The following ANKRD55 variants were observed in gnomAD, a reference collection of about 807,000 sequenced individuals.
ANKRD55 encodes ankyrin repeat domain 55, also known as ankyrin repeat domain-containing protein 55.
In ANKRD55, 41 loss-of-function variants were observed where a neutral mutation model predicts 60.6. That is an observed-to-expected ratio of 0.68 (90% CI 0.53 to 0.88). ANKRD55 has a LOEUF of 0.88. Ranked by LOEUF, ANKRD55 falls within the 40% of genes least tolerant of loss-of-function variation. The pLI is 0.00. For synonymous variants in ANKRD55, 264 were observed against 290.3 expected (o/e 0.91, Z 0.92); for missense variants, 732 against 767.6 (o/e 0.95, Z 0.55).
chr5:56,150,765 G>A (rs557362180), intron 6 of ANKRD55, among the ~76,000 whole-genome samples: 4 of 152,224 alleles, frequency 2.6e-5, no homozygotes, highest in East Asian at 1.9e-4. Context: ...CACGTGTGGC[G>A]GTGGGTGCCT....
At position 56,143,844 on chromosome 5, in the gene ANKRD55, A is replaced by C. The variant is rs1164225945; in HGVS notation, c.569T>G (p.Leu190Arg). ...AGCGGTTTTAAAGTCTTTATCCACA[A>C]GGGTGGGGTCTGCCCCCTTCTTCAG... ...MLLKKGADPT[L>R]VDKDFKTALH... The change falls in exon 7 of 12, where the codon CTT (leucine) becomes CGT (arginine). Residue 190 changes from leucine (L) to arginine (R), a missense_variant. Leu to Arg is a moderately radical substitution (Grantham distance 102). Coordinates refer to ENST00000341048, the MANE Select transcript of ANKRD55 (RefSeq NM_024669.3). 1 of 1,614,136 alleles carries C rather than the reference A, an allele frequency of 6.2e-7. No individual in the cohort carries two copies. The highest frequency in any genetic ancestry group is 1.7e-5 in the Admixed American group (1 of 60,016).
intron 2 of ANKRD55, among the ~76,000 whole-genome samples, chr5:56,189,724 G>T (rs1759049648): frequency 1.3e-5 from 2 of 152,264 alleles, no homozygotes; most frequent in South Asian, 2.1e-4. Flanking sequence ...TTCATTACCT[G>T]TCAGTGGACA....
intron 5 of ANKRD55, chr5:56,160,641 A>G (rs1384622349): frequency 6.6e-6 from 1 of 152,220 alleles, no homozygotes; most frequent in Admixed American, 6.5e-5. Context: ...TGCATATGTC[A>G]TGCCTTTTTA....
At chr5:56,200,237 G>A (rs988706058) in intron 2 of ANKRD55, among the ~76,000 whole-genome samples, 2 of 152,048 alleles carry the variant, frequency 1.3e-5, no homozygotes, top group African/African-American at 4.8e-5. Context: ...GCAAGTCCTT[G>A]CTGTTTGATA....
chr5:56,229,270 C>T (rs371055863), intron 2 of ANKRD55, among the ~76,000 whole-genome samples: 3 of 152,098 alleles, frequency 2.0e-5, no homozygotes, highest in Admixed American at 6.5e-5. Flanking sequence ...TACTACAGGT[C>T]GCTTCCTGCG....
chr5:56,180,587 G>A (rs909388055), intron 3 of ANKRD55, among the ~76,000 whole-genome samples: 1 of 152,164 alleles, frequency 6.6e-6, no homozygotes. Context: ...CACAAACATG[G>A]TATGCCTTTC....
chr5:56,102,560 T>C lies in ANKRD55; in HGVS notation c.1657A>G (p.Asn553Asp), dbSNP rs1339209244. Residue 553 changes from asparagine (N) to aspartate (D), a missense_variant, in exon 11 of 12, where the codon AAC becomes GAC. Physicochemically the swap from Asn to Asp is conservative, Grantham distance 23 (BLOSUM62 1). Around this residue, in one of 3 missense-constraint regions of ANKRD55, gnomAD observed 597 missense variants for 607.5 expected, o/e 0.98. Transcript: ENST00000341048. Reference protein sequence around the residue: ...SGQNFQHLSPNRHKIRDLPFT... With the variant: ...SGQNFQHLSPDRHKIRDLPFT... Reference sequence around the variant, plus strand: ...GGAAGATCCCTGATTTTGTGTCTGTTTGGGGAAAGATGCTGAAAATTTTGT... The same window carrying C: ...GGAAGATCCCTGATTTTGTGTCTGTCTGGGGAAAGATGCTGAAAATTTTGT... The C allele has an allele frequency of 2.5e-6, 4 of 1,613,604 alleles. No individual in the cohort carries two copies. The highest frequency in any genetic ancestry group is 3.4e-6 in the Non-Finnish European group (4 of 1,179,670).
At chr5:56,177,890 A>G (rs1434816102) in intron 3 of ANKRD55, among the ~76,000 whole-genome samples, 2 of 152,184 alleles carry the variant, frequency 1.3e-5, no homozygotes, top group Non-Finnish European at 2.9e-5. Context: ...GCTTACATAT[A>G]AATTTCTTCA....
chr5:56,181,676 C>T (rs190416434), intron 3 of ANKRD55, among the ~76,000 whole-genome samples: 50 of 152,206 alleles, frequency 3.3e-4, no homozygotes, highest in African/African-American at 1.0e-3. Context: ...CTGCAACCTC[C>T]GCCTCCCGGT....
intron 2 of ANKRD55, among the ~76,000 whole-genome samples, chr5:56,205,122 A>G (rs145946671): frequency 0.13 from 19,151 of 152,006 alleles, 2,622 homozygotes; most frequent in African/African-American, 0.33. Flanking sequence ...GTGCATTGGC[A>G]TGATCTTGGC....
chr5:56,115,214 T>TAATAAATA lies in ANKRD55; in HGVS notation c.965+1393_965+1400dup, dbSNP rs60123277. The stretch of plus-strand genomic sequence containing the variant: ...ACTCTGGTTCTAAAAATAATAATAA[T>TAATAAATA]AATAAATAAATAAATAAATAAATAA... On this transcript the variant is annotated intron_variant, in intron 9 of 11. Coordinates refer to ENST00000341048, the MANE Select transcript of ANKRD55 (RefSeq NM_024669.3). 7.0e-3 allele frequency among the ~76,000 whole-genome samples: 1,013 copies of TAATAAATA among 144,662 alleles called. 7 individuals are homozygous for TAATAAATA. The highest frequency in any genetic ancestry group is 0.018 in the Middle Eastern group (5 of 272). The allele number at this position is 144,662 out of a possible 152,430, so 94.9% of individuals were successfully genotyped here.
chr5:56,155,277 C>A (rs1245097737), intron 6 of ANKRD55, among the ~76,000 whole-genome samples: 7 of 150,542 alleles, frequency 4.6e-5, no homozygotes, highest in African/African-American at 1.7e-4. Context: ...GTTTTGTAGA[C>A]AGAGAAGGAC....
intron 7 of ANKRD55, among the ~76,000 whole-genome samples, chr5:56,135,968 C>A (rs1444632329): frequency 6.6e-6 from 1 of 151,776 alleles, no homozygotes; most frequent in Non-Finnish European, 1.5e-5. Flanking sequence ...TAGCACCCCC[C>A]AAAATTAAAT....
intron 2 of ANKRD55, among the ~76,000 whole-genome samples, chr5:56,223,271 A>G (rs1321541918): frequency 6.6e-6 from 1 of 152,218 alleles, no homozygotes; most frequent in Non-Finnish European, 1.5e-5. Context: ...TAAGTGAAGG[A>G]GAAATAAAAT....
chr5:56,119,131 G>A (rs1756968037), intron 8 of ANKRD55, among the ~76,000 whole-genome samples: 1 of 152,192 alleles, frequency 6.6e-6, no homozygotes, highest in East Asian at 1.9e-4. Context: ...GTTTGTAGAA[G>A]CATTATCATA....
chr5:56,168,359 T>C (rs1758532304), intron 5 of ANKRD55, among the ~76,000 whole-genome samples: 1 of 152,168 alleles, frequency 6.6e-6, no homozygotes, highest in African/African-American at 2.4e-5. Context: ...AGTAGAATGA[T>C]GAAATCTGCC....
At chr5:56,103,367 G>C (rs539134795) in intron 10 of ANKRD55, among the ~76,000 whole-genome samples, 2 of 152,300 alleles carry the variant, frequency 1.3e-5, no homozygotes, top group South Asian at 4.1e-4. Flanking sequence ...CTCCTGGAAA[G>C]CTAGCTGTTA....
intron 6 of ANKRD55, among the ~76,000 whole-genome samples, chr5:56,154,584 G>GTTTTT (rs368083555): frequency 1.6e-4 from 21 of 134,746 alleles, no homozygotes; most frequent in African/African-American, 5.3e-4. Flanking sequence ...TAGTTTTAAA[G>GTTTTT]TTTTTTTTTT....
chr5:56,174,332 C>T (rs1301341768), intron 4 of ANKRD55, among the ~76,000 whole-genome samples: 1 of 152,186 alleles, frequency 6.6e-6, no homozygotes, highest in African/African-American at 2.4e-5. Flanking sequence ...GGACAGTTTG[C>T]TTTCACTACA....
Sources: allele counts gnomAD v4.1 joint callset (sites outside exome capture counted in the v4.1 genomes callset), GRCh38; gene constraint gnomAD v4.1.1; regional missense constraint gnomAD v4.1.1; transcripts MANE v1.5; gene names NCBI Gene and HGNC (gene_info 2026-07-23, HGNC 2026-07-21).